PRRC2B: variants seen among roughly 807,000 people sequenced by gnomAD.
PRRC2B encodes the protein proline rich coiled-coil 2B.
Under a neutral mutation model 242.3 loss-of-function variants are expected in PRRC2B, and 68 were observed. The ratio of observed to expected loss-of-function variants is 0.28; its 90% CI spans 0.23 to 0.34. The LOEUF (loss-of-function observed/expected upper bound fraction) is 0.34, where lower values mean the gene tolerates loss of function less well. Ranked by LOEUF, PRRC2B falls within the 10% of genes least tolerant of loss-of-function variation. The pLI, the probability that PRRC2B is intolerant of heterozygous loss-of-function variation, is 1.00. For missense variants in PRRC2B, 2,835 were observed against 2,954.8 expected, an observed-to-expected ratio of 0.96 and a Z score of 0.94; for synonymous variants, 1,228 against 1,173.6, an observed-to-expected ratio of 1.05 and a Z score of -0.95.
chr9:131,481,897 C>T (rs1588278137), intron 20 of PRRC2B, 89 bp downstream of exon 20: 1 of 1,184,164 alleles, frequency 8.4e-7, no homozygotes, highest in South Asian at 1.3e-5. Flanking sequence ...CTGTGGCCCA[C>T]CCAAGCCCCT....
At position 131,461,673 on chromosome 9, in the gene PRRC2B, C is replaced by T. The variant is rs1442577754; in HGVS notation, c.1404+2317C>T. Among the ~76,000 whole-genome samples, 6 of 152,140 alleles carry T rather than the reference C, an allele frequency of 3.9e-5. No homozygotes were observed. In the East Asian group the frequency reaches 7.7e-4, roughly 20 times the overall value. On this transcript the variant is annotated intron_variant, in intron 11 of 31. Coordinates refer to ENST00000683519, the MANE Select transcript of PRRC2B (RefSeq NM_013318.4). ...TCTCCTGCCTCAGCCTCCCGAGTAG[C>T]GGGATTACAGGCGTGCACCACCATG...
intron 1 of PRRC2B, among the ~76,000 whole-genome samples, chr9:131,403,167 A>AG (rs574068865): frequency 5.3e-5 from 8 of 152,052 alleles, no homozygotes; most frequent in Non-Finnish European, 1.0e-4. Flanking sequence ...CCTGTCTGGG[A>AG]GGGGCATCAT....
intron 28 of PRRC2B, among the ~76,000 whole-genome samples, 162 bp downstream of exon 28, chr9:131,488,258 A>G (rs1944082686): frequency 7.4e-6 from 1 of 135,128 alleles, no homozygotes; most frequent in Non-Finnish European, 1.5e-5. Context: ...TCTTCTGAGT[A>G]GCCCCATCAC....
At chr9:131,472,210 C>CTT in intron 14 of PRRC2B, among the ~76,000 whole-genome samples, 1 of 152,214 alleles carries the variant, frequency 6.6e-6, no homozygotes, top group East Asian at 1.9e-4. Context: ...GGGAGTGTAT[C>CTT]TTTGTATCTA....
rs1275986263 is a variant in PRRC2B, at chr9:131,477,739, T to C, written c.4407-5T>C. 6.3e-7 allele frequency: 1 copy of C among 1,583,008 alleles called. No homozygotes were observed. On this transcript the variant is annotated splice_region_variant and splice_polypyrimidine_tract_variant and intron_variant, in intron 16 of 31. Coordinates refer to ENST00000683519, the MANE Select transcript of PRRC2B (RefSeq NM_013318.4). ...CTGGTTAACAAGATCCTCTTTCCCT[T>C]ACAGATCCCCAGACGAGGCCTTGCC...
Position 131,487,018 on chromosome 9 carries a change from G to C in PRRC2B, c.5857-149G>C. 1 of 686,558 alleles carries C rather than the reference G, an allele frequency of 1.5e-6. No homozygotes were observed. The highest frequency in any genetic ancestry group is 2.2e-5 in the Admixed American group (1 of 44,910). 42.5% of individuals were successfully genotyped at this position (686,558 alleles called of 1,614,324 possible). On this transcript the variant is annotated intron_variant, in intron 26 of 31. Coordinates refer to ENST00000683519, the MANE Select transcript of PRRC2B (RefSeq NM_013318.4). This position sits in a 1 kb window ranked among gnomAD's most constrained non-coding sequence, Gnocchi z 5.3. ...TTTCATTATAGGCTTTATCCCAATA[G>C]CAAGGGAAGCCCAGGAATGACATGC...
intron 20 of PRRC2B, 119 bp downstream of exon 20, chr9:131,481,927 G>GAATT: frequency 1.1e-6 from 1 of 912,976 alleles, no homozygotes; most frequent in Non-Finnish European, 1.7e-6. Flanking sequence ...GCTGAGCTTG[G>GAATT]AATTAGGTTG....
chr9:131,494,478 G>A lies in PRRC2B; in HGVS notation c.6547G>A (p.Val2183Met), dbSNP rs755958302. 18 of 1,578,852 alleles carry A rather than the reference G, an allele frequency of 1.1e-5. No individual in the cohort carries two copies. Among genetic ancestry groups the A allele is most frequent in the South Asian group, 9.0e-5 (8 of 88,588 alleles). The part of the protein sequence containing the change: ...VNMGSVQGHY[V>M]QQAKQRVDEK... ...CATGGGCTCTGTGCAGGGACACTAC[G>A]TGCAACAGGTAGAAGATGGCTTTCC... Residue 2183 changes from valine to methionine, a missense_variant, in exon 31 of 32, where the codon GTG becomes ATG. By Grantham distance (21) the Val-to-Met change is conservative (BLOSUM62 1). Coordinates refer to ENST00000683519, the MANE Select transcript of PRRC2B (RefSeq NM_013318.4). The surrounding 1 kb of genome is among the most constrained non-coding windows in gnomAD (Gnocchi z 4.3).
chr9:131,398,802 T>TA (rs1837138761), intron 1 of PRRC2B, among the ~76,000 whole-genome samples: 1 of 150,938 alleles, frequency 6.6e-6, no homozygotes, highest in African/African-American at 2.4e-5. Flanking sequence ...GTGATGAAAA[T>TA]AAAAAAATGC....
At chr9:131,408,489 T>A (rs1389801230) in intron 1 of PRRC2B, among the ~76,000 whole-genome samples, 1 of 152,188 alleles carries the variant, frequency 6.6e-6, no homozygotes, top group African/African-American at 2.4e-5. Context: ...CTATGTGTAT[T>A]TTTATCTTTT....
intron 3 of PRRC2B, among the ~76,000 whole-genome samples, 178 bp downstream of exon 3, chr9:131,432,972 G>A (rs755853559): frequency 2.6e-5 from 4 of 152,206 alleles, no homozygotes; most frequent in Non-Finnish European, 5.9e-5. Context: ...CTGGTGCTTC[G>A]TATGTTTCTT....
At position 131,456,588 on chromosome 9, in the gene PRRC2B, G is replaced by A. The variant is rs576947305; in HGVS notation, c.1211+1422G>A. Among the ~76,000 whole-genome samples the A allele has an allele frequency of 5.3e-5, 8 of 151,354 alleles. No individual in the cohort carries two copies. In the East Asian group the frequency reaches 7.8e-4, roughly 15 times the overall value. The stretch of plus-strand genomic sequence containing the variant: ...GGAGCTTGCAGTGAGCCGAGATCAC[G>A]CCACATGCCACTGCACTCCAGCCCG... On this transcript the variant is annotated intron_variant, in intron 10 of 31. Transcript: ENST00000683519.
At chr9:131,427,604 A>G (rs1355079942) in intron 1 of PRRC2B, among the ~76,000 whole-genome samples, 1 of 152,136 alleles carries the variant, frequency 6.6e-6, no homozygotes, top group East Asian at 1.9e-4. Context: ...TGCTGGGATT[A>G]CAGGAGTGAG....
chr9:131,383,738 C>T (rs1378999525), intron 1 of PRRC2B, among the ~76,000 whole-genome samples: 1 of 151,596 alleles, frequency 6.6e-6, no homozygotes, highest in Non-Finnish European at 1.5e-5. Flanking sequence ...TCTCCAGCCT[C>T]AGCCTCCCAA....
intron 26 of PRRC2B, chr9:131,486,452 G>C: frequency 2.0e-6 from 2 of 983,514 alleles, no homozygotes; most frequent in Non-Finnish European, 2.4e-6. Flanking sequence ...CGGGGAATTA[G>C]CTAAAATGGA....
At chr9:131,476,671 T>G in intron 16 of PRRC2B, 136 bp downstream of exon 16, 6 of 699,498 alleles carry the variant, frequency 8.6e-6, no homozygotes, top group East Asian at 2.8e-5. Flanking sequence ...CGCGTCTCCA[T>G]TGCCTGCCCC....
At chr9:131,398,965 G>A (rs1361316165) in intron 1 of PRRC2B, among the ~76,000 whole-genome samples, 3 of 151,836 alleles carry the variant, frequency 2.0e-5, no homozygotes, top group Non-Finnish European at 4.4e-5. Flanking sequence ...GCGACAGAGT[G>A]AGACCCTGTC....
chr9:131,418,792 A>C (rs1220295800), intron 1 of PRRC2B, among the ~76,000 whole-genome samples: 1 of 152,258 alleles, frequency 6.6e-6, no homozygotes, highest in Non-Finnish European at 1.5e-5. Flanking sequence ...AAAAACAAAT[A>C]GCAAATCTGT....
intron 1 of PRRC2B, among the ~76,000 whole-genome samples, chr9:131,429,261 TTGAGTGAGTGAG>T (rs36119236): frequency 7.2e-5 from 11 of 151,762 alleles, no homozygotes; most frequent in Non-Finnish European, 8.8e-5. Flanking sequence ...GCTTAGTATT[TTGAGTGAGTGAG>T]TGAGTGAGTG....
Sources: gnomAD v4.1 joint callset for allele counts (sites outside exome capture counted in the v4.1 genomes callset) on GRCh38, gnomAD v4.1.1 for gene constraint, Gnocchi (gnomAD v3.1) non-coding constraint, MANE v1.5 for transcripts, NCBI Gene and HGNC (gene_info 2026-07-23, HGNC 2026-07-21) for gene names.